FSTL5: variants seen among roughly 807,000 people sequenced by gnomAD.
The protein encoded by FSTL5 is follistatin like 5, also known as follistatin-related protein 5.
A neutral mutation model predicts 89.1 loss-of-function variants in FSTL5; 62 were observed. The observed-to-expected ratio is 0.70, with a 90% CI of 0.57 to 0.86. The LOEUF (loss-of-function observed/expected upper bound fraction) is 0.86, where lower values mean the gene tolerates loss of function less well. FSTL5 is among the 40% of genes least tolerant of loss of function. FSTL5 has a pLI of 0.00. For synonymous variants in FSTL5, 383 were observed against 346.2 expected (o/e 1.11, Z -1.18); for missense variants, 1,057 against 1,001.6 (o/e 1.06, Z -0.75).
At chr4:161,675,785 CGCT>C (rs1560783739) in intron 6 of FSTL5, among the ~76,000 whole-genome samples, 5 of 151,752 alleles carry the variant, frequency 3.3e-5, no homozygotes, top group African/African-American at 1.2e-4. Context: ...GCTAATGAGA[CGCT>C]ATCTGATAGA....
chr4:161,869,230 A>C (rs1260092735), intron 4 of FSTL5, among the ~76,000 whole-genome samples: 3 of 152,200 alleles, frequency 2.0e-5, no homozygotes, highest in Admixed American at 2.0e-4. Context: ...AATAATGCAT[A>C]TCTCAGGGAA....
intron 6 of FSTL5, among the ~76,000 whole-genome samples, chr4:161,691,773 A>T (rs1025664995): frequency 1.3e-5 from 2 of 152,176 alleles, no homozygotes; most frequent in African/African-American, 4.8e-5. Flanking sequence ...TTATTCTTTT[A>T]GATACTATCA....
At chr4:161,954,769 C>T (rs941841887) in intron 3 of FSTL5, among the ~76,000 whole-genome samples, 2 of 151,318 alleles carry the variant, frequency 1.3e-5, no homozygotes, top group African/African-American at 4.8e-5. Flanking sequence ...TCACTAAACA[C>T]AGAACATTAA....
At chr4:161,941,935 T>C (rs938045688) in intron 3 of FSTL5, among the ~76,000 whole-genome samples, 1 of 151,812 alleles carries the variant, frequency 6.6e-6, no homozygotes, top group African/African-American at 2.4e-5. Context: ...AAAAATTAAA[T>C]AGTTCAAGGT....
At chr4:162,048,293 C>T (rs1362975918) in intron 2 of FSTL5, among the ~76,000 whole-genome samples, 1 of 152,076 alleles carries the variant, frequency 6.6e-6, no homozygotes, top group East Asian at 1.9e-4. Flanking sequence ...TGTCACTGCA[C>T]TCTAGACTCC....
In FSTL5 at chr4:162,135,966, G is replaced by A. The variant is rs186086774; in HGVS notation, c.-16-24554C>T. Among the ~76,000 whole-genome samples the A allele has an allele frequency of 9.9e-5, 15 of 151,504 alleles. No homozygotes were observed. In the East Asian group the frequency reaches 1.6e-3, roughly 16 times the overall value. On this transcript the variant is annotated intron_variant, in intron 1 of 15. Transcript: ENST00000306100. ...ATCTTCATCTTTCACATTCTATCTC[G>A]CTTTTCATGCACTCTTGTGACTCTG...
At chr4:161,413,929 G>A (rs1731685797) in intron 15 of FSTL5, among the ~76,000 whole-genome samples, 1 of 152,118 alleles carries the variant, frequency 6.6e-6, no homozygotes, top group South Asian at 2.1e-4. Flanking sequence ...AAGGTGGAGG[G>A]CGGGAGAGTG....
At chr4:161,574,940 G>A (rs762351757) in intron 8 of FSTL5, among the ~76,000 whole-genome samples, 18 of 152,094 alleles carry the variant, frequency 1.2e-4, no homozygotes, top group Middle Eastern at 3.2e-3. Context: ...CACAATGGTC[G>A]AACAACTAAT....
At chr4:162,022,927 G>A (rs925272924) in intron 3 of FSTL5, 2 of 152,152 alleles carry the variant, frequency 1.3e-5, no homozygotes, top group African/African-American at 2.4e-5. Flanking sequence ...ACACTCAAAA[G>A]GGTTAGAAGA....
chr4:161,417,270 G>C (rs1251534196), intron 15 of FSTL5, among the ~76,000 whole-genome samples: 1 of 152,044 alleles, frequency 6.6e-6, no homozygotes, highest in Non-Finnish European at 1.5e-5. Flanking sequence ...GTTTTTGTTT[G>C]TTTGCTTTAA....
intron 7 of FSTL5, among the ~76,000 whole-genome samples, chr4:161,654,427 C>T (rs1237068466): frequency 6.6e-6 from 1 of 152,018 alleles, no homozygotes; most frequent in African/African-American, 2.4e-5. Context: ...CACAATGATG[C>T]TGTCAAGGGC....
chr4:161,903,068 C>G (rs991222941), intron 4 of FSTL5, among the ~76,000 whole-genome samples: 1 of 152,166 alleles, frequency 6.6e-6, no homozygotes, highest in African/African-American at 2.4e-5. Flanking sequence ...TATTAAACAT[C>G]TTTTCAAGAC....
At chr4:161,554,774 G>T (rs1405122247) in intron 8 of FSTL5, among the ~76,000 whole-genome samples, 1 of 151,660 alleles carries the variant, frequency 6.6e-6, no homozygotes, top group Non-Finnish European at 1.5e-5. Flanking sequence ...TTGAGGGTAA[G>T]AATATAAATG....
intron 2 of FSTL5, among the ~76,000 whole-genome samples, chr4:162,057,991 G>A (rs764818376): frequency 2.9e-4 from 44 of 152,020 alleles, no homozygotes; most frequent in East Asian, 1.2e-3. Flanking sequence ...ACTGGACAAC[G>A]GCAAGATAGT....
At chr4:162,029,782 T>C (rs1737446917) in intron 3 of FSTL5, among the ~76,000 whole-genome samples, 2 of 152,140 alleles carry the variant, frequency 1.3e-5, no homozygotes, top group Admixed American at 1.3e-4. Context: ...ATAAAATTTA[T>C]GATAAAAAGT....
intron 7 of FSTL5, among the ~76,000 whole-genome samples, chr4:161,602,215 C>CAG (rs1310665247): frequency 2.1e-5 from 3 of 145,788 alleles, no homozygotes; most frequent in Non-Finnish European, 4.5e-5. Flanking sequence ...CGCATGCACA[C>CAG]ACAGAGAGAG....
chr4:161,598,869 C>A (rs1344614285), intron 7 of FSTL5, among the ~76,000 whole-genome samples: 2 of 151,938 alleles, frequency 1.3e-5, no homozygotes, highest in Non-Finnish European at 2.9e-5. Flanking sequence ...AAAGACAGAA[C>A]TTTAAATCTT....
chr4:161,830,736 G>T (rs965879343), intron 4 of FSTL5, among the ~76,000 whole-genome samples: 1 of 151,860 alleles, frequency 6.6e-6, no homozygotes, highest in African/African-American at 2.4e-5. Flanking sequence ...CAGACATCAT[G>T]AACCCCAGAA....
chr4:162,023,759 T>A (rs1737180900), intron 3 of FSTL5, among the ~76,000 whole-genome samples: 1 of 152,170 alleles, frequency 6.6e-6, no homozygotes, highest in Admixed American at 6.6e-5. Context: ...TAAAGGTCCA[T>A]CATAGAACTG....
Sources: allele counts gnomAD v4.1 joint callset (sites outside exome capture counted in the v4.1 genomes callset), GRCh38; gene constraint gnomAD v4.1.1; transcripts MANE v1.5; gene names NCBI Gene and HGNC (gene_info 2026-07-23, HGNC 2026-07-21).